The following PNPLA1 variants were observed in gnomAD, a reference collection of about 807,000 sequenced individuals.
PNPLA1 encodes the protein omega-hydroxyceramide transacylase.
Under a neutral mutation model 51.7 loss-of-function variants are expected in PNPLA1, and 36 were observed. The observed-to-expected ratio is 0.70, with a 90% CI of 0.53 to 0.92. PNPLA1 has a LOEUF of 0.92. PNPLA1 is among the 40% of genes least tolerant of loss of function. The probability of loss-of-function intolerance (pLI) is 0.00; values close to 1 mark genes in which losing one functional copy is unlikely to be tolerated. For missense variants in PNPLA1, 658 were observed against 682.5 expected, an observed-to-expected ratio of 0.96 and a Z score of 0.40; for synonymous variants, 293 against 280.1, an observed-to-expected ratio of 1.05 and a Z score of -0.46.
At chr6:36,309,904 AC>A (rs1189594552) in intron 8 of PNPLA1, among the ~76,000 whole-genome samples, 1 of 152,216 alleles carries the variant, frequency 6.6e-6, no homozygotes, top group Middle Eastern at 3.2e-3. Context: ...AATTACAACC[AC>A]TGTCACATCC....
chr6:36,266,345 G>A (rs1244993844), upstream of PNPLA1, among the ~76,000 whole-genome samples: 3 of 152,210 alleles, frequency 2.0e-5, no homozygotes, highest in South Asian at 2.1e-4. Flanking sequence ...GAAGCAATGG[G>A]TAACCAATAC....
Position 36,294,877 on chromosome 6 carries a change from C to T in PNPLA1, c.714+478C>T, listed in dbSNP as rs776265407. On this transcript the variant is annotated intron_variant, in intron 4 of 8. Coordinates refer to ENST00000636260, the MANE Select transcript of PNPLA1 (RefSeq NM_001374623.1). The surrounding 1 kb of genome is among the most constrained non-coding windows in gnomAD (Gnocchi z 4.2). The stretch of plus-strand genomic sequence containing the variant: ...CAGCAAAGCCCAAAATAAGTATTTA[C>T]TATCTGGCCCTTTACAGAAAAGGCT... 6.6e-6 allele frequency among the ~76,000 whole-genome samples: 1 copy of T among 152,242 alleles called. No homozygotes were observed. Among genetic ancestry groups the T allele is most frequent in the Non-Finnish European group, 1.5e-5 (1 of 68,044 alleles).
intron 1 of PNPLA1, among the ~76,000 whole-genome samples, chr6:36,282,332 C>A (rs1203931963): frequency 6.6e-6 from 1 of 152,196 alleles, no homozygotes; most frequent in Non-Finnish European, 1.5e-5. Context: ...GAAATGGTGT[C>A]ATTGTGCGAT....
At chr6:36,292,141 G>T (rs549907217) in intron 2 of PNPLA1, among the ~76,000 whole-genome samples, 2 of 152,138 alleles carry the variant, frequency 1.3e-5, no homozygotes, top group African/African-American at 4.8e-5. Flanking sequence ...CGGGACAAAG[G>T]GGTTAAGCTG....
chr6:36,310,061 G>A (rs1203593569), intron 8 of PNPLA1, among the ~76,000 whole-genome samples: 1 of 152,176 alleles, frequency 6.6e-6, no homozygotes, highest in Non-Finnish European at 1.5e-5. Flanking sequence ...ATACTCTGAT[G>A]CAAACTGTAT....
intron 5 of PNPLA1, 73 bp downstream of exon 5, chr6:36,295,497 A>T (rs1425726517): frequency 4.1e-6 from 6 of 1,462,458 alleles, no homozygotes; most frequent in Non-Finnish European, 5.7e-6. Flanking sequence ...GAAGGGCTGA[A>T]TGGAGGGGTA....
chr6:36,299,314 G>GT lies in PNPLA1; in HGVS notation c.776-2539dup, dbSNP rs1251929645. On this transcript the variant is annotated intron_variant, in intron 5 of 8. Coordinates refer to ENST00000636260, the MANE Select transcript of PNPLA1 (RefSeq NM_001374623.1). ...TTCCCATTCCTCCAAAACTTTTGGG[G>GT]TTTTTTTTGTTTTTTTGTCTGTTTT... 6.0e-4 allele frequency among the ~76,000 whole-genome samples: 76 copies of GT among 126,020 alleles called. 4 individuals are homozygous for GT. The South Asian group carries it at 0.014, about 24-fold the overall frequency. 82.7% of individuals were successfully genotyped at this position (126,020 alleles called of 152,430 possible). A position where few individuals can be genotyped will look rare whatever the true frequency, so the allele number is the denominator to read the frequency against.
At chr6:36,259,006 G>C (rs867413444) in intron 1 of PNPLA1, among the ~76,000 whole-genome samples, 4 of 152,214 alleles carry the variant, frequency 2.6e-5, no homozygotes, top group South Asian at 2.1e-4. Context: ...TGCTCAGTGT[G>C]CTGCCCCACT....
intron 1 of PNPLA1, among the ~76,000 whole-genome samples, chr6:36,251,406 A>T (rs2127311512): frequency 6.6e-6 from 1 of 152,288 alleles, no homozygotes; most frequent in African/African-American, 2.4e-5. Flanking sequence ...ACTTCTGTTC[A>T]TCCTGCACAA....
chr6:36,267,695 C>T (rs530785157), upstream of PNPLA1, among the ~76,000 whole-genome samples: 105 of 152,210 alleles, frequency 6.9e-4, no homozygotes, highest in South Asian at 0.014. Flanking sequence ...GTCCTCCCCT[C>T]AACATGACCC....
chr6:36,252,602 C>G (rs1769446800), intron 1 of PNPLA1, among the ~76,000 whole-genome samples: 4 of 150,940 alleles, frequency 2.7e-5, no homozygotes, highest in Admixed American at 2.6e-4. Context: ...GACACAGGTA[C>G]TTAATGAAGA....
intron 1 of PNPLA1, among the ~76,000 whole-genome samples, chr6:36,286,784 T>A (rs1253247383): frequency 6.6e-6 from 1 of 151,824 alleles, no homozygotes; most frequent in African/African-American, 2.4e-5. Context: ...ACTCAAGTGA[T>A]CCTCCCACCT....
chr6:36,282,210 A>AAGGAAGGG (rs1770333404), intron 1 of PNPLA1, among the ~76,000 whole-genome samples: 1 of 46,554 alleles, frequency 2.1e-5, no homozygotes, highest in Non-Finnish European at 3.9e-5. Context: ...GGAAGGAAGG[A>AAGGAAGGG]AGGGAAGGAA....
chr6:36,298,829 C>T (rs777582233), intron 5 of PNPLA1, among the ~76,000 whole-genome samples: 4 of 152,308 alleles, frequency 2.6e-5, no homozygotes, highest in Non-Finnish European at 4.4e-5. Context: ...ACCTCTGCCA[C>T]CTGGGTTCAA....
At chr6:36,259,403 A>T (rs1769598185) in intron 1 of PNPLA1, among the ~76,000 whole-genome samples, 1 of 152,204 alleles carries the variant, frequency 6.6e-6, no homozygotes, top group Admixed American at 6.5e-5. Flanking sequence ...TTAAAGAAAA[A>T]AAATACTGAA....
At chr6:36,284,344 T>G (rs749339422) in intron 1 of PNPLA1, among the ~76,000 whole-genome samples, 3 of 152,268 alleles carry the variant, frequency 2.0e-5, no homozygotes, top group East Asian at 1.9e-4. Context: ...GATGTTGTTT[T>G]GTTTGGTTTG....
At chr6:36,272,932 C>G (rs1236441910) in intron 1 of PNPLA1, among the ~76,000 whole-genome samples, 1 of 152,114 alleles carries the variant, frequency 6.6e-6, no homozygotes, top group Non-Finnish European at 1.5e-5. Context: ...GGACAAAATT[C>G]AAACAGTGCG....
chr6:36,262,358 G>A (rs4713944), intron 1 of PNPLA1, among the ~76,000 whole-genome samples: 78,467 of 152,000 alleles, frequency 0.52, 20,439 homozygotes, highest in East Asian at 0.6. Context: ...TACGCAGCAC[G>A]TGTAATGAAA....
intron 1 of PNPLA1, among the ~76,000 whole-genome samples, chr6:36,283,478 G>C (rs1412372085): frequency 6.6e-6 from 1 of 152,060 alleles, no homozygotes; most frequent in Non-Finnish European, 1.5e-5. Context: ...ACCCAACTCT[G>C]TCCTTACGAA....
Sources: gnomAD v4.1 joint callset for allele counts (sites outside exome capture counted in the v4.1 genomes callset) on GRCh38, gnomAD v4.1.1 for gene constraint, Gnocchi (gnomAD v3.1) non-coding constraint, MANE v1.5 for transcripts, NCBI Gene and HGNC (gene_info 2026-07-23, HGNC 2026-07-21) for gene names.